Variants in PSD2 observed in about 807,000 individuals in gnomAD.
The protein encoded by PSD2 is PH and SEC7 domain-containing protein 2.
A neutral mutation model predicts 69.8 loss-of-function variants in PSD2; 38 were observed. The observed-to-expected ratio is 0.54, with a 90% CI of 0.42 to 0.71. The LOEUF (loss-of-function observed/expected upper bound fraction) is 0.71. PSD2 is among the 30% of genes least tolerant of loss of function. The pLI, the probability that PSD2 is intolerant of heterozygous loss-of-function variation, is 0.00. For missense variants in PSD2, 943 were observed against 1,014.5 expected (o/e 0.93, Z 0.96); for synonymous variants, 412 against 423.0 (o/e 0.97, Z 0.32).
chr5:139,837,527 A>G lies in PSD2; in HGVS notation c.1666-98A>G. Reference sequence around the variant, plus strand: ...GTGGGTGAGGCAGCAGGAACAGAAAATTAAGGGAGCCGTAGGGTTAGACAG... The same window carrying G: ...GTGGGTGAGGCAGCAGGAACAGAAAGTTAAGGGAGCCGTAGGGTTAGACAG... On this transcript the variant is annotated intron_variant, in intron 11 of 14. Transcript: ENST00000274710. This position sits in a 1 kb window ranked among gnomAD's most constrained non-coding sequence, Gnocchi z 5.0. 2 of 1,320,602 alleles carry G rather than the reference A, an allele frequency of 1.5e-6. 1 individual carries two copies. The allele number at this position is 1,320,602 out of a possible 1,614,324, so 81.8% of individuals were successfully genotyped here.
chr5:139,833,839 A>C lies in PSD2; in HGVS notation c.1359+48A>C, dbSNP rs370153854. The C allele has an allele frequency of 3.7e-5, 51 of 1,387,860 alleles. No homozygotes were observed. In the East Asian group the frequency reaches 4.1e-4, roughly 11 times the overall value. The allele number at this position is 1,387,860 out of a possible 1,614,324, so 86.0% of individuals were successfully genotyped here. ...ATCCCACTAGCTGTGCCCTGAATGGATAGAGAGGAGAGAGGTCTGTGCCTC... is the reference window on the plus strand; with the variant it reads ...ATCCCACTAGCTGTGCCCTGAATGGCTAGAGAGGAGAGAGGTCTGTGCCTC... On this transcript the variant is annotated intron_variant, in intron 8 of 14. Transcript: ENST00000274710.
the PSD2 span, among the ~76,000 whole-genome samples, chr5:139,766,948 T>TCTTTCTTTCTTTCTTC: frequency 4.0e-5 from 5 of 126,328 alleles, no homozygotes; most frequent in Non-Finnish European, 6.7e-5. Flanking sequence ...TTTCTTTCTT[T>TCTTTCTTTCTTTCTTC]CTTTCTTTCT....
At chr5:139,808,942 C>T (rs1759879239) in intron 1 of PSD2, among the ~76,000 whole-genome samples, 1 of 152,190 alleles carries the variant, frequency 6.6e-6, no homozygotes, top group African/African-American at 2.4e-5. Flanking sequence ...AAGTTTCGCT[C>T]ATCTTTGGCT....
chr5:139,759,298 G>A, the PSD2 span, among the ~76,000 whole-genome samples: 2 of 151,914 alleles, frequency 1.3e-5, no homozygotes, highest in African/African-American at 4.8e-5. Context: ...CACCGCCCGC[G>A]CGCGCTCTCT....
the PSD2 span, among the ~76,000 whole-genome samples, chr5:139,760,979 G>C: frequency 8.4e-4 from 128 of 152,270 alleles, no homozygotes; most frequent in African/African-American, 2.8e-3. Flanking sequence ...GCCCTTCCCT[G>C]GTGGTCTAGT....
At chr5:139,772,614 T>C in the PSD2 span, 1 of 152,366 alleles carries the variant, frequency 6.6e-6, no homozygotes, top group African/African-American at 2.4e-5. Flanking sequence ...TTGCACTTGC[T>C]GTTTCTTCTG....
At chr5:139,804,917 C>A (rs560015715) in intron 1 of PSD2, among the ~76,000 whole-genome samples, 1 of 148,298 alleles carries the variant, frequency 6.7e-6, no homozygotes, top group South Asian at 2.2e-4. Flanking sequence ...GTGTGCATGT[C>A]TGTGAACGTG....
chr5:139,833,864 C>G (rs1035607533), intron 8 of PSD2, 73 bp downstream of exon 8: 2 of 1,173,080 alleles, frequency 1.7e-6, no homozygotes, highest in Non-Finnish European at 2.6e-6. Flanking sequence ...GTCTGTGCCT[C>G]GTGAAATCCT....
intron 7 of PSD2, among the ~76,000 whole-genome samples, chr5:139,823,949 A>G (rs1760340679): frequency 6.6e-6 from 1 of 152,208 alleles, no homozygotes; most frequent in African/African-American, 2.4e-5. Flanking sequence ...TGCGTCAGGA[A>G]GAGCAAATAT....
chr5:139,795,554 C>A (rs1759496735), upstream of PSD2, among the ~76,000 whole-genome samples: 1 of 152,076 alleles, frequency 6.6e-6, no homozygotes, highest in African/African-American at 2.4e-5. This position sits in a 1 kb window ranked among gnomAD's most constrained non-coding sequence, Gnocchi z 4.5. Context: ...GGGCAGAACC[C>A]CGGGCGCTCC....
the PSD2 span, among the ~76,000 whole-genome samples, chr5:139,752,419 C>T: frequency 6.6e-6 from 1 of 152,160 alleles, no homozygotes; most frequent in Non-Finnish European, 1.5e-5. Flanking sequence ...CATACAGAGG[C>T]AAAGCGATGG....
chr5:139,830,612 T>TTCTTTCTTTC (rs1760565714), intron 7 of PSD2, among the ~76,000 whole-genome samples: 3 of 94,018 alleles, frequency 3.2e-5, no homozygotes, highest in African/African-American at 1.5e-4. Context: ...TTCTTTCTCT[T>TTCTTTCTTTC]TCTTTCTTTC....
rs933023377 is a variant in PSD2 at position 139,814,688 on chromosome 5, A to T, written c.1016+324A>T. On this transcript the variant is annotated intron_variant, in intron 4 of 14. Coordinates refer to ENST00000274710, the MANE Select transcript of PSD2 (RefSeq NM_032289.4). This position sits in a 1 kb window ranked among gnomAD's most constrained non-coding sequence, Gnocchi z 4.4. The stretch of plus-strand genomic sequence containing the variant: ...AGAGAAGCCAGCAGGAGCTGGGCCC[A>T]GCTAATGGGGCCAGGGAGAAAGGAG... 3.3e-5 allele frequency among the ~76,000 whole-genome samples: 5 copies of T among 152,038 alleles called. No homozygotes were observed. The highest frequency in any genetic ancestry group is 3.3e-4 in the Admixed American group (5 of 15,270).
chr5:139,759,830 C>T, the PSD2 span, among the ~76,000 whole-genome samples: 2 of 152,270 alleles, frequency 1.3e-5, no homozygotes, highest in African/African-American at 2.4e-5. Context: ...GCACAGACCC[C>T]TCTCTGGCCC....
chr5:139,779,318 A>G, the PSD2 span, among the ~76,000 whole-genome samples: 2 of 152,208 alleles, frequency 1.3e-5, no homozygotes, highest in African/African-American at 4.8e-5. Flanking sequence ...CATACAAAAA[A>G]GTTGAACAAA....
chr5:139,771,347 T>A, the PSD2 span, among the ~76,000 whole-genome samples: 1 of 151,996 alleles, frequency 6.6e-6, no homozygotes, highest in Admixed American at 6.5e-5. Flanking sequence ...AGCGCAGGAG[T>A]GCAGGCAGGA....
intron 7 of PSD2, among the ~76,000 whole-genome samples, chr5:139,832,066 A>G (rs962601881): frequency 3.3e-5 from 5 of 152,188 alleles, no homozygotes; most frequent in Non-Finnish European, 7.3e-5. Context: ...CTCACCCTTG[A>G]AGCCTTCACT....
Position 139,840,105 on chromosome 5 carries a change from G to A in PSD2, c.2047G>A (p.Glu683Lys), listed in dbSNP as rs1377773656. 4 of 1,614,098 alleles carry A rather than the reference G, an allele frequency of 2.5e-6. No individual in the cohort carries two copies. Among genetic ancestry groups the A allele is most frequent in the East Asian group, 2.2e-5 (1 of 44,898 alleles). Residue 683 changes from glutamate to lysine, a missense_variant, in exon 14 of 15, where the codon GAG (glutamate) becomes AAG (lysine). Glu to Lys is a moderately conservative substitution (Grantham distance 56). Coordinates refer to ENST00000274710, the MANE Select transcript of PSD2 (RefSeq NM_032289.4). ...ELAEHRCHPV[E>K]RGIKSKEAEE... ...GGCCGAACACAGGTGTCACCCAGTC[G>A]AGAGGGGCATCAAGTCCAAGGAGGC...
At chr5:139,815,979 G>A (rs1205930520) in intron 4 of PSD2, among the ~76,000 whole-genome samples, 4 of 123,402 alleles carry the variant, frequency 3.2e-5, no homozygotes, top group Non-Finnish European at 6.4e-5. Context: ...GGGCAACAGA[G>A]CAACACTCCA....
Sources: gnomAD v4.1 joint callset for allele counts (sites outside exome capture counted in the v4.1 genomes callset) on GRCh38, gnomAD v4.1.1 for gene constraint, Gnocchi (gnomAD v3.1) non-coding constraint, MANE v1.5 for transcripts, NCBI Gene and HGNC (gene_info 2026-07-23, HGNC 2026-07-21) for gene names.